EPDR1: variants seen among roughly 807,000 people sequenced by gnomAD.
EPDR1 encodes ependymin related 1, also known as mammalian ependymin-related protein 1.
A neutral mutation model predicts 23.7 loss-of-function variants in EPDR1; 27 were observed. That is an observed-to-expected ratio of 1.14 (90% CI 0.84 to 1.57). The LOEUF (loss-of-function observed/expected upper bound fraction) is 1.57, where lower values mean the gene tolerates loss of function less well. EPDR1 is among the 40% of genes most tolerant of loss of function. The pLI is 0.00. For missense variants in EPDR1, 349 were observed against 290.4 expected (o/e 1.20, Z -1.47); for synonymous variants, 137 against 118.2 (o/e 1.16, Z -1.03).
intron 1 of EPDR1, among the ~76,000 whole-genome samples, chr7:37,938,992 T>G (rs1786114254): frequency 6.6e-6 from 1 of 151,818 alleles, no homozygotes; most frequent in Non-Finnish European, 1.5e-5. Flanking sequence ...ATTTTTTTTT[T>G]TTTTGAGATG....
chr7:37,929,088 T>A (rs1302773226), intron 1 of EPDR1, among the ~76,000 whole-genome samples: 1 of 152,212 alleles, frequency 6.6e-6, no homozygotes, highest in Non-Finnish European at 1.5e-5. Context: ...CATTGGCACT[T>A]GAATCTGTCA....
chr7:37,944,604 C>G (rs1233316744), intron 1 of EPDR1, among the ~76,000 whole-genome samples: 1 of 152,180 alleles, frequency 6.6e-6, no homozygotes, highest in East Asian at 1.9e-4. Context: ...CAAGAGAGAG[C>G]TTATGCAGGG....
At position 37,926,738 on chromosome 7, in the gene EPDR1, G is replaced by T. The variant is rs779944594; in HGVS notation, c.269+5530G>T. Reference sequence around the variant, plus strand: ...CCAATTGCATCCTGATGTTCACTTTGATCACCTGATTGACTGTTGTCTGCC... The same window carrying T: ...CCAATTGCATCCTGATGTTCACTTTTATCACCTGATTGACTGTTGTCTGCC... On this transcript the variant is annotated intron_variant, in intron 1 of 2. Coordinates refer to ENST00000199448, the MANE Select transcript of EPDR1 (RefSeq NM_017549.5). 10 of 451,224 alleles carry T rather than the reference G, an allele frequency of 2.2e-5. 1 individual carries two copies. Among genetic ancestry groups the T allele is most frequent in the South Asian group, 1.6e-4 (10 of 63,678 alleles). 28.0% of individuals were successfully genotyped at this position (451,224 alleles called of 1,614,324 possible).
intron 1 of EPDR1, among the ~76,000 whole-genome samples, chr7:37,928,456 T>C (rs1220776163): frequency 2.0e-5 from 3 of 152,288 alleles, no homozygotes; most frequent in Middle Eastern, 3.4e-3. Context: ...CCTCTTCTAT[T>C]TAAAGCAAAT....
intron 1 of EPDR1, among the ~76,000 whole-genome samples, chr7:37,946,466 A>G (rs1786276819): frequency 6.6e-6 from 1 of 151,948 alleles, no homozygotes; most frequent in Non-Finnish European, 1.5e-5. Flanking sequence ...TTTGATGTGC[A>G]TTTTTCTAAT....
At chr7:37,927,043 A>G (rs1050151115) in intron 1 of EPDR1, among the ~76,000 whole-genome samples, 1 of 152,182 alleles carries the variant, frequency 6.6e-6, no homozygotes, top group Non-Finnish European at 1.5e-5. Context: ...CCGGCACAGC[A>G]AGATATTTCA....
chr7:37,939,643 C>T (rs866780701), intron 1 of EPDR1, among the ~76,000 whole-genome samples: 1 of 152,026 alleles, frequency 6.6e-6, no homozygotes, highest in African/African-American at 2.4e-5. Flanking sequence ...AGTTGGAATC[C>T]ATGCATAGTT....
chr7:37,948,708 C>A, intron 1 of EPDR1, 132 bp from the exon 2 acceptor site: 1 of 681,954 alleles, frequency 1.5e-6, no homozygotes, highest in Non-Finnish European at 2.5e-6. Flanking sequence ...TGTTTATAAA[C>A]GTTAAGTGAT....
In EPDR1 at chr7:37,924,379, T is replaced by G. The variant is rs373206761; in HGVS notation, c.269+3171T>G. 6.6e-5 allele frequency among the ~76,000 whole-genome samples: 10 copies of G among 152,316 alleles called. No individual in the cohort carries two copies. In the South Asian group the frequency reaches 2.1e-3, roughly 32 times the overall value. On this transcript the variant is annotated intron_variant, in intron 1 of 2. Transcript: ENST00000199448. ...CATTGATTTTCACAATAGAGATGAC[T>G]TGGTGGTGGTTCTGTGCTACCCCAA...
Position 37,950,349 on chromosome 7 carries a change from T to C in EPDR1, c.628T>C (p.Cys210Arg). ...CTCGGTGTTTACCCCTCCAAGCACG[T>C]GCCAGATGGCCCAACTGGAGAAGAT... is the stretch of plus-strand genomic sequence containing the variant. ...DPSVFTPPST[C>R]QMAQLEKMSE... Residue 210 changes from cysteine (C) to arginine (R), a missense_variant, in exon 3 of 3, where the codon TGC becomes CGC. By Grantham distance (180) the Cys-to-Arg change is radical (BLOSUM62 -3). Transcript: ENST00000199448. The C allele has an allele frequency of 1.2e-6, 2 of 1,613,916 alleles. No individual in the cohort carries two copies. The highest frequency in any genetic ancestry group is 1.7e-6 in the Non-Finnish European group (2 of 1,179,906).
intron 1 of EPDR1, among the ~76,000 whole-genome samples, chr7:37,925,919 T>G (rs1013327710): frequency 6.6e-6 from 1 of 152,196 alleles, no homozygotes; most frequent in Non-Finnish European, 1.5e-5. Context: ...GTAGACAAAT[T>G]AATTCAAAGT....
At chr7:37,939,441 C>T (rs774587119) in intron 1 of EPDR1, among the ~76,000 whole-genome samples, 2 of 152,154 alleles carry the variant, frequency 1.3e-5, no homozygotes, top group Non-Finnish European at 2.9e-5. Context: ...TGTAAAACAT[C>T]AGTGATTTCA....
intron 1 of EPDR1, among the ~76,000 whole-genome samples, chr7:37,936,027 T>TAC (rs1271724862): frequency 9.2e-6 from 1 of 108,304 alleles, no homozygotes; most frequent in Non-Finnish European, 1.9e-5. Flanking sequence ...TATATATATA[T>TAC]ATATATATAT....
chr7:37,946,708 G>A (rs752651734), intron 1 of EPDR1, among the ~76,000 whole-genome samples: 5 of 152,176 alleles, frequency 3.3e-5, no homozygotes, highest in Non-Finnish European at 5.9e-5. Context: ...GACAAGATGT[G>A]GGAGTGAAAG....
intron 1 of EPDR1, among the ~76,000 whole-genome samples, chr7:37,929,301 C>T (rs139494625): frequency 2.0e-5 from 3 of 152,262 alleles, no homozygotes; most frequent in East Asian, 3.9e-4. Flanking sequence ...AATAAGGCTC[C>T]GTAAGGCCAG....
intron 1 of EPDR1, among the ~76,000 whole-genome samples, chr7:37,929,496 T>G (rs960023833): frequency 2.6e-5 from 4 of 152,030 alleles, no homozygotes; most frequent in African/African-American, 9.7e-5. Context: ...TAATTTTTAT[T>G]TTTTTTTGAA....
At chr7:37,927,507 G>C (rs1291157580) in intron 1 of EPDR1, among the ~76,000 whole-genome samples, 1 of 152,144 alleles carries the variant, frequency 6.6e-6, no homozygotes, top group African/African-American at 2.4e-5. Context: ...TGCGCTCCAG[G>C]CCAGCCCATG....
intron 1 of EPDR1, among the ~76,000 whole-genome samples, chr7:37,936,547 A>G (rs1013475147): frequency 6.6e-6 from 1 of 152,278 alleles, no homozygotes; most frequent in East Asian, 1.9e-4. Context: ...TATCAATGAT[A>G]TGGATATAGT....
In EPDR1 at chr7:37,950,484, G is replaced by A. The variant is rs1786381070; in HGVS notation, c.*88G>A. Reference sequence around the variant, plus strand: ...ATATGAGACTAGTCAAGATGTGAATGCTAATTGGAGAGAAATATAATTTTA... The same window carrying A: ...ATATGAGACTAGTCAAGATGTGAATACTAATTGGAGAGAAATATAATTTTA... On this transcript the variant is annotated 3_prime_UTR_variant, in exon 3 of 3. Coordinates refer to ENST00000199448, the MANE Select transcript of EPDR1 (RefSeq NM_017549.5). 1.7e-6 allele frequency: 2 copies of A among 1,158,974 alleles called. No homozygotes were observed. The highest frequency in any genetic ancestry group is 2.4e-6 in the Non-Finnish European group (2 of 833,622). 71.8% of individuals were successfully genotyped at this position (1,158,974 alleles called of 1,614,324 possible).
Sources: allele counts gnomAD v4.1 joint callset (sites outside exome capture counted in the v4.1 genomes callset), GRCh38; gene constraint gnomAD v4.1.1; transcripts MANE v1.5; gene names NCBI Gene and HGNC (gene_info 2026-07-23, HGNC 2026-07-21).